Variants in URB1 observed in about 807,000 individuals in gnomAD.
URB1 encodes URB1 ribosome biogenesis factor.
URB1 carries 197 observed loss-of-function variants against 242.3 expected under a neutral mutation model. The observed-to-expected ratio is 0.81, with a 90% CI of 0.72 to 0.91. The LOEUF is 0.91. URB1 is among the 40% of genes least tolerant of loss of function. The pLI, the probability that URB1 is intolerant of heterozygous loss-of-function variation, is 0.00. For missense variants in URB1, 2,721 were observed against 2,860.5 expected (o/e 0.95, Z 1.11); for synonymous variants, 1,153 against 1,201.8 (o/e 0.96, Z 0.84).
At chr21:32,343,566 A>T (rs1395567131) in intron 24 of URB1, among the ~76,000 whole-genome samples, 1 of 152,218 alleles carries the variant, frequency 6.6e-6, no homozygotes, top group African/African-American at 2.4e-5. Context: ...TTCTGGGATG[A>T]TGAAAATCTT....
rs2032692409 is a variant in URB1, at chr21:32,316,706, G to A, written c.6394C>T (p.His2132Tyr). The change falls in exon 38 of 39, where the codon CAC becomes TAC. Residue 2132 changes from histidine to tyrosine, a missense_variant. His to Tyr is a moderately conservative substitution (Grantham distance 83). Coordinates refer to ENST00000382751, the MANE Select transcript of URB1 (RefSeq NM_014825.3). The part of the protein sequence containing the change: ...IGWLKSHILP[H>Y]PVVVADLLKD... Reference sequence around the variant, plus strand: ...AGGAGGTCAGCCACGACCACAGGGTGTGGCAAAATATGGCTCTTAAGCCAG... The same window carrying A: ...AGGAGGTCAGCCACGACCACAGGGTATGGCAAAATATGGCTCTTAAGCCAG... 6.4e-7 allele frequency: 1 copy of A among 1,551,432 alleles called. No individual in the cohort carries two copies. The highest frequency in any genetic ancestry group is 8.7e-7 in the Non-Finnish European group (1 of 1,146,878).
chr21:32,337,069 A>G, intron 28 of URB1, 25 bp downstream of exon 28: 1 of 1,550,584 alleles, frequency 6.4e-7, no homozygotes, highest in Non-Finnish European at 8.7e-7. Flanking sequence ...CTCAAGGCCT[A>G]GTCTACCTCT....
intron 25 of URB1, among the ~76,000 whole-genome samples, chr21:32,339,842 G>C (rs562752159): frequency 2.6e-5 from 4 of 152,282 alleles, no homozygotes; most frequent in Admixed American, 2.6e-4. Context: ...TTCCTGCTTA[G>C]TGGAAACGCC....
At chr21:32,361,193 A>AAGAAAGAAAGAAAGAAAGAC in intron 12 of URB1, 70 bp from the exon 13 acceptor site, 1 of 914,548 alleles carries the variant, frequency 1.1e-6, no homozygotes, top group Non-Finnish European at 1.6e-6. Flanking sequence ...GAAAGAAAGA[A>AAGAAAGAAAGAAAGAAAGAC]AGAAAGAAAG....
chr21:32,380,036 A>G (rs2033506100), intron 4 of URB1, among the ~76,000 whole-genome samples: 1 of 152,138 alleles, frequency 6.6e-6, no homozygotes, highest in Non-Finnish European at 1.5e-5. Context: ...CAGAACTGAG[A>G]TAAGAAGTAA....
intron 28 of URB1, among the ~76,000 whole-genome samples, chr21:32,334,557 G>A (rs1405588662): frequency 3.9e-5 from 6 of 152,208 alleles, no homozygotes; most frequent in Non-Finnish European, 4.4e-5. Flanking sequence ...GACGACAGAA[G>A]CTGGTGTCTA....
chr21:32,330,987 T>C (rs1568811897), intron 30 of URB1, among the ~76,000 whole-genome samples: 1 of 152,194 alleles, frequency 6.6e-6, no homozygotes, highest in Non-Finnish European at 1.5e-5. Context: ...AGGGCACTGA[T>C]AGAGGATTGG....
chr21:32,311,941 G>C lies in URB1; in HGVS notation c.*2977C>G. 6.2e-7 allele frequency: 1 copy of C among 1,613,666 alleles called. No homozygotes were observed. The highest frequency in any genetic ancestry group is 1.1e-5 in the South Asian group (1 of 91,086). On this transcript the variant is annotated 3_prime_UTR_variant, in exon 39 of 39. Transcript: ENST00000382751. ...ACCCTCAATGGGGGTCCCCTCGTCA[G>C]GAGCAAGCCCAGCGAGCCTCCCCCT...
chr21:32,328,263 G>C (rs1230546585), intron 30 of URB1, among the ~76,000 whole-genome samples: 2 of 152,194 alleles, frequency 1.3e-5, no homozygotes, highest in Non-Finnish European at 2.9e-5. Context: ...TCAGCCTCCT[G>C]AGTAGCTAGG....
chr21:32,363,062 G>T, intron 11 of URB1, 94 bp downstream of exon 11: 1 of 1,444,278 alleles, frequency 6.9e-7, no homozygotes, highest in Non-Finnish European at 9.2e-7. Flanking sequence ...CGGCTCCAAG[G>T]ACACATCACT....
In URB1 at chr21:32,319,259, T is replaced by A. The variant is rs374514405; in HGVS notation, c.5750A>T (p.Asn1917Ile). Residue 1917 changes from asparagine (N) to isoleucine (I), a missense_variant, in exon 36 of 39, where the codon AAT (asparagine) becomes ATT (isoleucine). Coordinates refer to ENST00000382751, the MANE Select transcript of URB1 (RefSeq NM_014825.3). ...PAKRLALHLV[N>I]EFLYVLIVLM... is the part of the protein sequence containing the mutation. ...CACGATGAGAACATAAAGGAACTCA[T>A]TGACCAGGTGCAGGGCAAGCCGCTT... is the stretch of plus-strand genomic sequence containing the variant. 5.2e-6 allele frequency: 8 copies of A among 1,551,118 alleles called. No homozygotes were observed. The highest frequency in any genetic ancestry group is 7.0e-6 in the Non-Finnish European group (8 of 1,146,786).
chr21:32,359,931 C>A, intron 13 of URB1, 23 bp from the exon 14 acceptor site: 1 of 1,545,942 alleles, frequency 6.5e-7, no homozygotes, highest in African/African-American at 1.4e-5. Context: ...AAGAGGCAGG[C>A]TGAAAAAAGT....
At chr21:32,318,563 C>G (rs75689767) in intron 36 of URB1, among the ~76,000 whole-genome samples, 1,573 of 152,338 alleles carry the variant, frequency 0.01, 37 homozygotes, top group East Asian at 0.088. Context: ...TTCTTTTTAT[C>G]AGGACATTTT....
In URB1 at chr21:32,362,009, G is replaced by A; in HGVS notation, c.1522C>T (p.Leu508=). Residue 508 remains leucine, a synonymous_variant, in exon 12 of 39, where the codon CTG becomes TTG. Transcript: ENST00000382751. Reference sequence around the variant, plus strand: ...TGCCAGACCCACACGACAGTGTTCAGGTCTGGCAAAATCTAAATGGGAAAA... The same window carrying A: ...TGCCAGACCCACACGACAGTGTTCAAGTCTGGCAAAATCTAAATGGGAAAA... ...REALSKILPD[L]NTVVWVWQSL... is the part of the protein sequence containing the mutation. The A allele has an allele frequency of 6.4e-7, 1 of 1,551,224 alleles. No individual in the cohort carries two copies. The highest frequency in any genetic ancestry group is 8.7e-7 in the Non-Finnish European group (1 of 1,146,838).
chr21:32,347,732 A>G lies in URB1; in HGVS notation c.3092T>C (p.Leu1031Pro). 1 of 1,550,144 alleles carries G rather than the reference A, an allele frequency of 6.5e-7. No individual in the cohort carries two copies. Among genetic ancestry groups the G allele is most frequent in the Non-Finnish European group, 8.7e-7 (1 of 1,146,954 alleles). Residue 1031 changes from leucine (L) to proline (P), a missense_variant, in exon 22 of 39, where the codon CTC becomes CCC. Leu to Pro is a moderately conservative substitution (Grantham distance 98). Transcript: ENST00000382751. ...GWFLALEQQA[L>P]PPHTLSPVLV... ...GACAGGGCTGAGCGTGTGCGGCGGG[A>G]GGGCCTGCTGCTCCAGGGCCAGGAA...
rs1284563403 is a variant in URB1 at position 32,385,722 on chromosome 21, GTCT to G, written c.143-41_143-39del. 3.2e-6 allele frequency: 5 copies of G among 1,547,764 alleles called. No homozygotes were observed. In the African/African-American group the frequency reaches 6.9e-5, roughly 21 times the overall value. On this transcript the variant is annotated intron_variant, in intron 1 of 38. Transcript: ENST00000382751. ...TTATGTTCAAACATTAACAAGGTCA[GTCT>G]TCTTAGAAACAATCACAGCCACCAC...
chr21:32,385,448 G>T, intron 2 of URB1, 97 bp downstream of exon 2: 1 of 1,446,512 alleles, frequency 6.9e-7, no homozygotes. Flanking sequence ...TCTATAGAAA[G>T]TTGGTAATGG....
At chr21:32,392,702 G>A (rs2033653243) in intron 1 of URB1, 67 bp downstream of exon 1, 15 of 1,361,568 alleles carry the variant, frequency 1.1e-5, no homozygotes, top group Non-Finnish European at 1.4e-5. Context: ...GAGAGGCTGT[G>A]CCCGGCACAC....
chr21:32,381,242 G>A (rs1485802128), intron 4 of URB1, among the ~76,000 whole-genome samples: 2 of 152,122 alleles, frequency 1.3e-5, no homozygotes, highest in Admixed American at 6.5e-5. Flanking sequence ...GGAAGAAAAC[G>A]TCCTGAACTC....
Sources: gnomAD v4.1 joint callset for allele counts (sites outside exome capture counted in the v4.1 genomes callset) on GRCh38, gnomAD v4.1.1 for gene constraint, MANE v1.5 for transcripts, NCBI Gene and HGNC (gene_info 2026-07-23, HGNC 2026-07-21) for gene names.